Variants in SPART observed in about 807,000 individuals in gnomAD.
SPART encodes spartin, also known as spastic paraplegia 20 (Troyer syndrome).
A neutral mutation model predicts 58.7 loss-of-function variants in SPART; 35 were observed. The ratio of observed to expected loss-of-function variants is 0.60; its 90% CI spans 0.46 to 0.79. The LOEUF is 0.79. Ranked by LOEUF, SPART falls within the 30% of genes least tolerant of loss-of-function variation. The probability of loss-of-function intolerance (pLI) is 0.00; values close to 1 mark genes in which losing one functional copy is unlikely to be tolerated. For synonymous variants in SPART, 284 were observed against 280.7 expected, an observed-to-expected ratio of 1.01 and a Z score of -0.12; for missense variants, 730 against 786.1, an observed-to-expected ratio of 0.93 and a Z score of 0.85.
rs1320066624 is a variant in SPART, at chr13:36,335,960, T to C, written c.-2-128A>G. On this transcript the variant is annotated intron_variant, in intron 1 of 8. Transcript: ENST00000438666. ...ATCTCTGTTTTGTTCACTATTATAC[T>C]ATCCTTTAAGCCTACTATTAGGTCT... is the stretch of plus-strand genomic sequence containing the variant. The C allele has an allele frequency of 1.1e-5, 8 of 750,416 alleles. No homozygotes were observed. The African/African-American group carries it at 1.4e-4, about 13-fold the overall frequency. 46.5% of individuals were successfully genotyped at this position (750,416 alleles called of 1,614,324 possible).
At chr13:36,323,369 C>G (rs1232376682) in intron 5 of SPART, among the ~76,000 whole-genome samples, 1 of 152,208 alleles carries the variant, frequency 6.6e-6, no homozygotes, top group Non-Finnish European at 1.5e-5. Flanking sequence ...TTACTAGGCT[C>G]TACTCGATTG....
rs1011125530 is a variant in SPART at position 36,321,382 on chromosome 13, C to T, written c.1288+5193G>A. Among the ~76,000 whole-genome samples the T allele has an allele frequency of 4.6e-5, 7 of 152,196 alleles. No individual in the cohort carries two copies. In the East Asian group the frequency reaches 5.8e-4, roughly 13 times the overall value. Reference sequence around the variant, plus strand: ...CAGGACTATGCTGAATCTCCTTAGGCGCTCTCTAATCAGATATCCTGAGTC... The same window carrying T: ...CAGGACTATGCTGAATCTCCTTAGGTGCTCTCTAATCAGATATCCTGAGTC... On this transcript the variant is annotated intron_variant, in intron 5 of 8. Transcript: ENST00000438666.
intron 1 of SPART, among the ~76,000 whole-genome samples, chr13:36,340,481 A>G (rs1263995948): frequency 6.6e-6 from 1 of 152,194 alleles, no homozygotes; most frequent in Non-Finnish European, 1.5e-5. Flanking sequence ...CACACAAAAA[A>G]AGAGAGAGAA....
chr13:36,351,098 C>T (rs2137691078), upstream of SPART, among the ~76,000 whole-genome samples: 1 of 152,250 alleles, frequency 6.6e-6, no homozygotes, highest in East Asian at 1.9e-4. Flanking sequence ...CCTGTTTTCT[C>T]ATCTGTAATA....
At chr13:36,328,930 T>TA (rs1883198675) in intron 4 of SPART, among the ~76,000 whole-genome samples, 1 of 152,096 alleles carries the variant, frequency 6.6e-6, no homozygotes, top group Admixed American at 6.6e-5. Flanking sequence ...TGTGCATCAC[T>TA]AATGCAAATA....
In SPART at chr13:36,326,562, A is replaced by G. The variant is rs1293407786; in HGVS notation, c.1288+13T>C. Reference sequence around the variant, plus strand: ...ATGTCATACAGGGAAAAAAATTAACATTACTGTAATACCTGACAAAATGTT... The same window carrying G: ...ATGTCATACAGGGAAAAAAATTAACGTTACTGTAATACCTGACAAAATGTT... On this transcript the variant is annotated intron_variant, in intron 5 of 8. Transcript: ENST00000438666. 6.2e-7 allele frequency: 1 copy of G among 1,613,082 alleles called. No homozygotes were observed. The highest frequency in any genetic ancestry group is 8.5e-7 in the Non-Finnish European group (1 of 1,179,802).
At chr13:36,321,348 C>A (rs1487890277) in intron 5 of SPART, among the ~76,000 whole-genome samples, 1 of 152,234 alleles carries the variant, frequency 6.6e-6, no homozygotes, top group Non-Finnish European at 1.5e-5. Context: ...AATAAATAAT[C>A]TTTGCTGGCA....
chr13:36,311,956 G>A (rs373382323), intron 8 of SPART, among the ~76,000 whole-genome samples, 189 bp downstream of exon 8: 4 of 151,856 alleles, frequency 2.6e-5, no homozygotes, highest in Non-Finnish European at 4.4e-5. Context: ...GCATGGTGGC[G>A]TGTGCCTGCA....
At chr13:36,365,041 T>A (rs7339142) in intron 1 of SPART, among the ~76,000 whole-genome samples, 5 of 152,094 alleles carry the variant, frequency 3.3e-5, no homozygotes, top group Non-Finnish European at 7.4e-5. Context: ...CCTCTGACAC[T>A]GGAGGTTGCA....
At position 36,335,354 on chromosome 13, in the gene SPART, C is replaced by CA; in HGVS notation, c.476dup (p.Ser160ValfsTer21). The CA allele has an allele frequency of 6.2e-7, 1 of 1,614,116 alleles. No individual in the cohort carries two copies. Among genetic ancestry groups the CA allele is most frequent in the Non-Finnish European group, 8.5e-7 (1 of 1,180,004 alleles). ...CTGGACAACTTTGTGATGGTAAAGA[C>CA]AGAGAAGCAGGTGCAGCAACTGCCC... On this transcript the variant is annotated frameshift_variant, in exon 2 of 9. Transcript: ENST00000438666. LOFTEE classifies it high-confidence loss of function.
chr13:36,328,238 T>C (rs528191060), intron 4 of SPART, among the ~76,000 whole-genome samples: 8 of 152,178 alleles, frequency 5.3e-5, no homozygotes, highest in Non-Finnish European at 1.2e-4. Flanking sequence ...TGCAAATAAA[T>C]GTAGAATATT....
intron 2 of SPART, among the ~76,000 whole-genome samples, chr13:36,334,090 T>G (rs1883726463): frequency 6.6e-6 from 1 of 152,206 alleles, no homozygotes; most frequent in Admixed American, 6.5e-5. Flanking sequence ...TTATTTGGAC[T>G]GTGGACAAAA....
At chr13:36,326,354 C>A in intron 5 of SPART, 2 of 538,990 alleles carry the variant, frequency 3.7e-6, no homozygotes, top group Non-Finnish European at 3.2e-6. Flanking sequence ...ATCCATTTTC[C>A]CAATAGTAGA....
Position 36,314,316 on chromosome 13 carries a change from T to C in SPART, c.1394A>G (p.Lys465Arg), listed in dbSNP as rs1881449686. 3 of 1,614,062 alleles carry C rather than the reference T, an allele frequency of 1.9e-6. No individual in the cohort carries two copies. In the South Asian group the frequency reaches 3.3e-5, roughly 18 times the overall value. Residue 465 changes from lysine to arginine, a missense_variant, in exon 6 of 9, where the codon AAA becomes AGA. Coordinates refer to ENST00000438666, the MANE Select transcript of SPART (RefSeq NM_015087.5). ...GACAGCTGGACTAACTTCCACGGGT[T>C]TTTCTTCTGGTTGAATCCGCTCTCG... ...KLRERIQPEE[K>R]PVEVSPAVTK...
At chr13:36,333,558 G>T (rs936291766) in intron 2 of SPART, among the ~76,000 whole-genome samples, 1 of 150,594 alleles carries the variant, frequency 6.6e-6, no homozygotes, top group East Asian at 1.9e-4. Context: ...TTAAATTTTG[G>T]GTGCAATTTT....
intron 1 of SPART, among the ~76,000 whole-genome samples, chr13:36,360,391 G>A (rs1330627370): frequency 6.6e-6 from 1 of 151,978 alleles, no homozygotes; most frequent in Non-Finnish European, 1.5e-5. Context: ...GGATTTGGGG[G>A]CAGGAAGATG....
chr13:36,332,802 G>A (rs1883577045), intron 2 of SPART, among the ~76,000 whole-genome samples: 1 of 151,972 alleles, frequency 6.6e-6, no homozygotes, highest in South Asian at 2.1e-4. Context: ...CATCAAAACA[G>A]TCTTACCCAC....
intron 6 of SPART, among the ~76,000 whole-genome samples, chr13:36,313,760 GT>G (rs1265984127): frequency 6.6e-6 from 1 of 152,252 alleles, no homozygotes; most frequent in East Asian, 1.9e-4. Context: ...GAGTGGCAAC[GT>G]TTAGGTTTGT....
At chr13:36,332,690 CG>C (rs1286386814) in intron 2 of SPART, among the ~76,000 whole-genome samples, 2 of 152,150 alleles carry the variant, frequency 1.3e-5, no homozygotes, top group Non-Finnish European at 2.9e-5. Context: ...CTGCGGAGGT[CG>C]GCTTGCCAGT....
Sources: allele counts gnomAD v4.1 joint callset (sites outside exome capture counted in the v4.1 genomes callset), GRCh38; gene constraint gnomAD v4.1.1; transcripts MANE v1.5; gene names NCBI Gene and HGNC (gene_info 2026-07-23, HGNC 2026-07-21).